The following PALLD variants were observed in gnomAD, a reference collection of about 807,000 sequenced individuals.
PALLD encodes the protein palladin.
In PALLD, 61 loss-of-function variants were observed where a neutral mutation model predicts 123.5. The ratio of observed to expected loss-of-function variants is 0.49; its 90% CI spans 0.40 to 0.61. The LOEUF (loss-of-function observed/expected upper bound fraction) is 0.61. Among genes scored for constraint, PALLD ranks in the 20% least tolerant of loss-of-function variants. The pLI, the probability that PALLD is intolerant of heterozygous loss-of-function variation, is 0.00. For missense variants in PALLD, 1,273 were observed against 1,377.0 expected (o/e 0.92, Z 1.20); for synonymous variants, 465 against 496.4 (o/e 0.94, Z 0.84).
At chr4:168,620,088 C>A (rs1774610745) in intron 2 of PALLD, among the ~76,000 whole-genome samples, 1 of 152,188 alleles carries the variant, frequency 6.6e-6, no homozygotes, top group African/African-American at 2.4e-5. Context: ...ACCACCCCAG[C>A]CCCATGCTAA....
intron 2 of PALLD, among the ~76,000 whole-genome samples, chr4:168,643,218 T>C (rs1275018110): frequency 6.6e-6 from 1 of 152,238 alleles, no homozygotes. Context: ...AGCAGTCTGG[T>C]TTGCTAACCA....
chr4:168,750,277 A>G (rs1183824302), intron 10 of PALLD, among the ~76,000 whole-genome samples: 3 of 152,168 alleles, frequency 2.0e-5, no homozygotes, highest in Non-Finnish European at 2.9e-5. Flanking sequence ...AACATGTGGT[A>G]CTTAGTTTTC....
intron 2 of PALLD, among the ~76,000 whole-genome samples, chr4:168,576,508 T>C (rs1347438281): frequency 6.6e-6 from 1 of 152,146 alleles, no homozygotes; most frequent in Non-Finnish European, 1.5e-5. Flanking sequence ...GTCCTTGCGA[T>C]AGTTTGCTGA....
intron 8 of PALLD, among the ~76,000 whole-genome samples, chr4:168,705,961 A>T (rs1784188382): frequency 6.6e-6 from 1 of 152,226 alleles, no homozygotes; most frequent in Non-Finnish European, 1.5e-5. Context: ...CCATAAATGG[A>T]TGAATACTTA....
intron 10 of PALLD, among the ~76,000 whole-genome samples, chr4:168,727,313 C>T (rs997892971): frequency 6.6e-6 from 1 of 152,180 alleles, no homozygotes; most frequent in Non-Finnish European, 1.5e-5. Flanking sequence ...CTGCTTTTCA[C>T]AGGGGCTGAA....
intron 2 of PALLD, among the ~76,000 whole-genome samples, chr4:168,657,894 C>T (rs559793539): frequency 1.3e-5 from 2 of 152,164 alleles, no homozygotes; most frequent in African/African-American, 2.4e-5. Context: ...CTACGTAAAT[C>T]GGACACCACC....
At chr4:168,877,954 G>GCGCCCCAAGCAGTTCAT in intron 10 of PALLD, 2 of 1,500,460 alleles carry the variant, frequency 1.3e-6, no homozygotes, top group Non-Finnish European at 1.8e-6. Context: ...TCAACTACGC[G>GCGCCCCAAGCAGTTCAT]CGCCCCAAGC....
At chr4:168,547,476 T>C (rs981372813) in intron 2 of PALLD, among the ~76,000 whole-genome samples, 1 of 151,246 alleles carries the variant, frequency 6.6e-6, no homozygotes, top group Non-Finnish European at 1.5e-5. Flanking sequence ...ATCCTAGCAC[T>C]TTGGGAGGCC....
chr4:168,746,390 A>AAAAAAAAAAT lies in PALLD; in HGVS notation c.1964+34476_1964+34477insTAAAAAAAAA, dbSNP rs1561475216. ...AGCGAGAACCCGTCTCAAAAAAAAAAAAAAAAAAAAAAAAAAAAAAGAGGA... is the reference window on the plus strand; with the variant it reads ...AGCGAGAACCCGTCTCAAAAAAAAAAAAAAAAAAATAAAAAAAAAAAAAAAAAAAAGAGGA... On this transcript the variant is annotated intron_variant, in intron 10 of 21. Coordinates refer to ENST00000505667, the MANE Select transcript of PALLD (RefSeq NM_001166108.2). 1.8e-3 allele frequency among the ~76,000 whole-genome samples: 246 copies of AAAAAAAAAAT among 135,100 alleles called. 6 individuals carry two copies. The highest frequency in any genetic ancestry group is 3.2e-3 in the Non-Finnish European group (213 of 65,558). 88.6% of individuals were successfully genotyped at this position (135,100 alleles called of 152,430 possible).
rs565494585 is a variant in PALLD at position 168,674,101 on chromosome 4, G to A, written c.1087+5733G>A. Among the ~76,000 whole-genome samples, 34 of 152,262 alleles carry A rather than the reference G, an allele frequency of 2.2e-4. No individual in the cohort carries two copies. In the South Asian group the frequency reaches 7.0e-3, roughly 32 times the overall value. On this transcript the variant is annotated intron_variant, in intron 3 of 21. Transcript: ENST00000505667. The stretch of plus-strand genomic sequence containing the variant: ...GGCTAATTTTTGTATTTTTAGTAAA[G>A]ATGGGGTTTTGCCATGGTGGCCAGG...
intron 8 of PALLD, among the ~76,000 whole-genome samples, chr4:168,701,692 G>A (rs1028506108): frequency 2.6e-5 from 4 of 152,222 alleles, no homozygotes; most frequent in Non-Finnish European, 5.9e-5. Flanking sequence ...AACTGGCAAG[G>A]ACATTTCTCT....
rs190719492 is a variant in PALLD, at chr4:168,917,728, T to C, written c.2850+1701T>C. 4.8e-3 allele frequency among the ~76,000 whole-genome samples: 734 copies of C among 152,208 alleles called. 8 individuals are homozygous for C. Among genetic ancestry groups the C allele is most frequent in the Admixed American group, 5.4e-3 (83 of 15,282 alleles). On this transcript the variant is annotated intron_variant, in intron 17 of 21. Transcript: ENST00000505667. ...AAAAAGAATAAATATAACAAAAATA[T>C]TTTATTTCTTAGGATCATTATTTAT...
At chr4:168,534,730 A>G (rs1580179933) in intron 2 of PALLD, among the ~76,000 whole-genome samples, 1 of 152,160 alleles carries the variant, frequency 6.6e-6, no homozygotes, top group African/African-American at 2.4e-5. Flanking sequence ...TTTCAACCAC[A>G]TACATTGTAT....
At chr4:168,772,960 G>T (rs1168263020) in intron 10 of PALLD, among the ~76,000 whole-genome samples, 1 of 152,132 alleles carries the variant, frequency 6.6e-6, no homozygotes, top group Non-Finnish European at 1.5e-5. Flanking sequence ...CATGGAGTGG[G>T]TCACTGGCTG....
At chr4:168,745,665 A>G (rs758537784) in intron 10 of PALLD, among the ~76,000 whole-genome samples, 6 of 152,130 alleles carry the variant, frequency 3.9e-5, no homozygotes, top group Non-Finnish European at 5.9e-5. Context: ...ATGTGTTAAG[A>G]GTTCTCTTCT....
chr4:168,783,093 T>C (rs1320388781), intron 10 of PALLD, among the ~76,000 whole-genome samples: 1 of 150,468 alleles, frequency 6.6e-6, no homozygotes, highest in African/African-American at 2.4e-5. Context: ...TGTATAGTAC[T>C]GTTTCTGTTG....
At chr4:168,607,561 C>T (rs886512361) in intron 2 of PALLD, among the ~76,000 whole-genome samples, 2 of 152,148 alleles carry the variant, frequency 1.3e-5, no homozygotes, top group Non-Finnish European at 2.9e-5. Flanking sequence ...GAGAGCCAGA[C>T]ACTGTTCTGA....
intron 10 of PALLD, among the ~76,000 whole-genome samples, chr4:168,889,976 C>G (rs988547636): frequency 1.3e-5 from 2 of 152,074 alleles, no homozygotes; most frequent in Non-Finnish European, 2.9e-5. Context: ...TTTTTTTCAC[C>G]GGAACTTTGT....
At chr4:168,898,762 G>C in intron 14 of PALLD, 48 bp downstream of exon 14, 1 of 1,257,168 alleles carries the variant, frequency 8.0e-7, no homozygotes, top group Non-Finnish European at 1.2e-6. Context: ...CTGAGGAAAG[G>C]TTTAGCTTCC....
Sources: gnomAD v4.1 joint callset for allele counts (sites outside exome capture counted in the v4.1 genomes callset) on GRCh38, gnomAD v4.1.1 for gene constraint, MANE v1.5 for transcripts, NCBI Gene and HGNC (gene_info 2026-07-23, HGNC 2026-07-21) for gene names.